The following PCDHGA6 variants were observed in gnomAD, a reference collection of about 807,000 sequenced individuals.
PCDHGA6 encodes the protein protocadherin gamma-A6.
Under a neutral mutation model 60.6 loss-of-function variants are expected in PCDHGA6, and 41 were observed. The ratio of observed to expected loss-of-function variants is 0.68; its 90% CI spans 0.53 to 0.88. PCDHGA6 has a LOEUF of 0.88. Ranked by LOEUF, PCDHGA6 falls within the 40% of genes least tolerant of loss-of-function variation. The pLI is 0.00. For missense variants in PCDHGA6, 1,312 were observed against 1,203.0 expected (o/e 1.09, Z -1.34); for synonymous variants, 594 against 524.4 (o/e 1.13, Z -1.81).
chr5:141,377,619 G>T (rs1248552210), intron 1 of PCDHGA6: 2 of 145,890 alleles, frequency 1.4e-5, no homozygotes, highest in Admixed American at 1.4e-4. Flanking sequence ...AAAAAAAAAA[G>T]ATTTTGTTTT....
intron 1 of PCDHGA6, chr5:141,390,069 C>A: frequency 6.2e-7 from 1 of 1,614,076 alleles, no homozygotes; most frequent in Non-Finnish European, 8.5e-7. Context: ...CCAGCCTGGT[C>A]TCTGTGTTAA....
In PCDHGA6 at chr5:141,431,129, A is replaced by G. The variant is rs771219303; in HGVS notation, c.2424+54622A>G. The G allele has an allele frequency of 7.4e-6, 12 of 1,614,152 alleles. No homozygotes were observed. The Admixed American group carries it at 1.7e-4, about 22-fold the overall frequency. Reference sequence around the variant, plus strand: ...AATATATGGAGTAGAAGTAGAAGTAAGGGACATTAACGACAATGCGCCTTA... The same window carrying G: ...AATATATGGAGTAGAAGTAGAAGTAGGGGACATTAACGACAATGCGCCTTA... On this transcript the variant is annotated intron_variant, in intron 1 of 3. Coordinates refer to ENST00000517434, the MANE Select transcript of PCDHGA6 (RefSeq NM_018919.3). The surrounding 1 kb of genome is among the most constrained non-coding windows in gnomAD (Gnocchi z 4.8).
At position 141,431,258 on chromosome 5, in the gene PCDHGA6, C is replaced by G. The variant is rs754250241; in HGVS notation, c.2424+54751C>G. 6.2e-6 allele frequency: 10 copies of G among 1,614,186 alleles called. No individual in the cohort carries two copies. The highest frequency in any genetic ancestry group is 1.6e-4 in the Middle Eastern group (1 of 6,062). ...GGATCCGGATATCGGGAAGAACTCT[C>G]TGCAGAGCTACGAGCTCAGCCCGAA... On this transcript the variant is annotated intron_variant, in intron 1 of 3. Transcript: ENST00000517434. This position sits in a 1 kb window ranked among gnomAD's most constrained non-coding sequence, Gnocchi z 4.8.
At chr5:141,383,621 T>C (rs1392247611) in intron 1 of PCDHGA6, 1 of 1,613,762 alleles carries the variant, frequency 6.2e-7, no homozygotes, top group Admixed American at 1.7e-5. Flanking sequence ...CACACGCCTG[T>C]CTTCTCTCTG....
chr5:141,414,251 C>T, intron 1 of PCDHGA6: 3 of 1,613,346 alleles, frequency 1.9e-6, no homozygotes, highest in Non-Finnish European at 2.5e-6. Context: ...CTATTTAGTC[C>T]AGTGACTGAA....
At chr5:141,478,019 C>T in intron 1 of PCDHGA6, 1 of 1,614,136 alleles carries the variant, frequency 6.2e-7, no homozygotes, top group Non-Finnish European at 8.5e-7. Flanking sequence ...CCGTCCAGTC[C>T]AAGACACAGA....
intron 1 of PCDHGA6, among the ~76,000 whole-genome samples, chr5:141,474,773 G>T (rs1290099424): frequency 6.6e-6 from 1 of 152,182 alleles, no homozygotes; most frequent in East Asian, 1.9e-4. Flanking sequence ...ATAGTATGAG[G>T]CTCTAACACT....
Position 141,490,365 on chromosome 5 carries a change from A to G in PCDHGA6, c.2425-4442A>G. The G allele has an allele frequency of 6.2e-7, 1 of 1,614,170 alleles. No individual in the cohort carries two copies. The highest frequency in any genetic ancestry group is 8.5e-7 in the Non-Finnish European group (1 of 1,180,030). On this transcript the variant is annotated intron_variant, in intron 1 of 3. Coordinates refer to ENST00000517434, the MANE Select transcript of PCDHGA6 (RefSeq NM_018919.3). The surrounding 1 kb of genome is among the most constrained non-coding windows in gnomAD (Gnocchi z 5.4). ...CAGTAGTGGGGTTGTTTAATGTGCG[A>G]GACCGGGACTCAGGTAGAAATGGTG...
At chr5:141,483,816 A>G (rs2099587505) in intron 1 of PCDHGA6, among the ~76,000 whole-genome samples, 1 of 152,172 alleles carries the variant, frequency 6.6e-6, no homozygotes, top group Admixed American at 6.5e-5. Context: ...TTTGGCAGCC[A>G]GTGTAACCTA....
At chr5:141,406,332 G>A (rs957923011) in intron 1 of PCDHGA6, among the ~76,000 whole-genome samples, 4 of 152,142 alleles carry the variant, frequency 2.6e-5, no homozygotes, top group East Asian at 1.9e-4. Context: ...TTACTCCTAC[G>A]ATCATTTATT....
chr5:141,446,800 G>C (rs1332771959), intron 1 of PCDHGA6, among the ~76,000 whole-genome samples: 1 of 152,150 alleles, frequency 6.6e-6, no homozygotes, highest in African/African-American at 2.4e-5. Flanking sequence ...TTCTTCCATT[G>C]TGATCATCTA....
At chr5:141,392,956 T>G in intron 1 of PCDHGA6, 1 of 1,613,820 alleles carries the variant, frequency 6.2e-7, no homozygotes, top group South Asian at 1.1e-5. Context: ...GTGGGTAATA[T>G]CTCCAAGGAC....
Position 141,376,292 on chromosome 5 carries a change from G to T in PCDHGA6, c.2209G>T (p.Gly737Cys). ...GGGAGGTGGCTTAGCGAGCATGCCC[G>T]GCTCGCACTTTGTGGGCGTGGAAGG... ...ASGGGLASMPGSHFVGVEGVR... is the reference protein window; with the variant it reads ...ASGGGLASMPCSHFVGVEGVR... The change falls in exon 1 of 4, where the codon GGC becomes TGC. Residue 737 changes from glycine (G) to cysteine (C), a missense_variant. Transcript: ENST00000517434. 1 of 1,614,156 alleles carries T rather than the reference G, an allele frequency of 6.2e-7. No individual in the cohort carries two copies. The highest frequency in any genetic ancestry group is 8.5e-7 in the Non-Finnish European group (1 of 1,180,034).
chr5:141,476,801 C>A lies in PCDHGA6; in HGVS notation c.2425-18006C>A, dbSNP rs752954707. The A allele has an allele frequency of 5.8e-5, 94 of 1,613,468 alleles. No homozygotes were observed. The highest frequency in any genetic ancestry group is 7.9e-5 in the Non-Finnish European group (93 of 1,180,028). The stretch of plus-strand genomic sequence containing the variant: ...GACCCCAGCTCTCTCCGCCAGCCTG[C>A]CTATTCACATCAAGGTGCTGGACGC... On this transcript the variant is annotated intron_variant, in intron 1 of 3. Transcript: ENST00000517434. This position sits in a 1 kb window ranked among gnomAD's most constrained non-coding sequence, Gnocchi z 7.6.
intron 1 of PCDHGA6, chr5:141,423,903 AG>A: frequency 7.8e-7 from 1 of 1,276,130 alleles, no homozygotes. Context: ...TTGATTTCAA[AG>A]GGGCCATTCA....
intron 1 of PCDHGA6, chr5:141,416,205 A>T (rs1239154825): frequency 1.3e-5 from 2 of 152,458 alleles, no homozygotes; most frequent in Non-Finnish European, 2.9e-5. Context: ...CAATTTATTT[A>T]TAACAATGTA....
At chr5:141,392,247 T>C (rs1228504452) in intron 1 of PCDHGA6, 1 of 152,196 alleles carries the variant, frequency 6.6e-6, no homozygotes, top group Non-Finnish European at 1.5e-5. Context: ...TATTTGTTAG[T>C]ATATATTGGA....
At position 141,486,272 on chromosome 5, in the gene PCDHGA6, A is replaced by C. The variant is rs2099627166; in HGVS notation, c.2425-8535A>C. On this transcript the variant is annotated intron_variant, in intron 1 of 3. Transcript: ENST00000517434. The surrounding 1 kb of genome is among the most constrained non-coding windows in gnomAD (Gnocchi z 5.0). ...CCTCCCCGAGAGTGCAGAACCTGGC[A>C]CTGTGGTGGCACTTATCAGTGTGCA... 1 of 1,613,886 alleles carries C rather than the reference A, an allele frequency of 6.2e-7. No individual in the cohort carries two copies. Among genetic ancestry groups the C allele is most frequent in the Non-Finnish European group, 8.5e-7 (1 of 1,179,986 alleles).
Position 141,494,864 on chromosome 5 carries a change from G to T in PCDHGA6, c.2482G>T (p.Gly828Cys), listed in dbSNP as rs773899530. 12 of 1,613,950 alleles carry T rather than the reference G, an allele frequency of 7.4e-6. No individual in the cohort carries two copies. Among genetic ancestry groups the T allele is most frequent in the South Asian group, 1.1e-5 (1 of 91,080 alleles). ...TCAGGCCCAGAGACCCGGCACCAGC[G>T]GGTAGGTGACTGATTCTCCAGCCCA... Reference protein sequence around the residue: ...FSQAQRPGTSGSQNGDDTGTW... With the variant: ...FSQAQRPGTSCSQNGDDTGTW... Residue 828 changes from glycine to cysteine, a missense_variant and splice_region_variant, in exon 2 of 4, where the codon GGC becomes TGC. Physicochemically the swap from Gly to Cys is radical, Grantham distance 159 (BLOSUM62 -3). Coordinates refer to ENST00000517434, the MANE Select transcript of PCDHGA6 (RefSeq NM_018919.3).
Sources: gnomAD v4.1 joint callset for allele counts (sites outside exome capture counted in the v4.1 genomes callset) on GRCh38, gnomAD v4.1.1 for gene constraint, Gnocchi (gnomAD v3.1) non-coding constraint, MANE v1.5 for transcripts, NCBI Gene and HGNC (gene_info 2026-07-23, HGNC 2026-07-21) for gene names.